MYO1F: variants seen among roughly 807,000 people sequenced by gnomAD.
MYO1F encodes the protein unconventional myosin-If.
Under a neutral mutation model 146.6 loss-of-function variants are expected in MYO1F, and 60 were observed. That is an observed-to-expected ratio of 0.41 (90% CI 0.33 to 0.51). MYO1F has a LOEUF of 0.51. Ranked by LOEUF, MYO1F falls within the 20% of genes least tolerant of loss-of-function variation. The pLI is 0.25. For synonymous variants in MYO1F, 602 were observed against 602.1 expected (o/e 1.00, Z 0.00); for missense variants, 1,274 against 1,534.3 (o/e 0.83, Z 2.83).
chr19:8,573,682 T>C (rs2042151640), intron 1 of MYO1F, among the ~76,000 whole-genome samples: 1 of 152,010 alleles, frequency 6.6e-6, no homozygotes, highest in Non-Finnish European at 1.5e-5. Context: ...AAACCCCGTC[T>C]CCACTAAAAG....
chr19:8,533,879 T>C (rs562276039), intron 19 of MYO1F, among the ~76,000 whole-genome samples: 15 of 152,236 alleles, frequency 9.9e-5, no homozygotes, highest in African/African-American at 2.2e-4. Flanking sequence ...GCCCAAACCA[T>C]GTTCATAAGA....
chr19:8,526,642 C>G, intron 23 of MYO1F, 41 bp from the exon 24 acceptor site: 1 of 1,563,462 alleles, frequency 6.4e-7, no homozygotes, highest in Non-Finnish European at 8.7e-7. Flanking sequence ...TGGCTGAGGT[C>G]CCCCGCCCCA....
At chr19:8,575,509 C>T (rs542991850) in intron 1 of MYO1F, among the ~76,000 whole-genome samples, 186 of 152,000 alleles carry the variant, frequency 1.2e-3, no homozygotes, top group African/African-American at 4.1e-3. Flanking sequence ...GCTTGCTTGC[C>T]TGCCACTCAT....
chr19:8,525,603 A>G (rs768519468), intron 24 of MYO1F, 41 bp from the exon 25 acceptor site: 1 of 1,545,000 alleles, frequency 6.5e-7, no homozygotes, highest in Non-Finnish European at 8.9e-7. Flanking sequence ...CAGACAGACC[A>G]CGCTCTTTGC....
intron 1 of MYO1F, among the ~76,000 whole-genome samples, chr19:8,573,124 C>T (rs751936125): frequency 4.7e-4 from 72 of 152,008 alleles, no homozygotes; most frequent in Non-Finnish European, 8.2e-4. Context: ...CTTGCTAACA[C>T]GGTGAAACCC....
At chr19:8,541,621 G>A in intron 15 of MYO1F, 1 of 438,512 alleles carries the variant, frequency 2.3e-6, no homozygotes, top group Non-Finnish European at 4.3e-6. Flanking sequence ...TAGAGACAAG[G>A]TTTTGCCATG....
intron 1 of MYO1F, among the ~76,000 whole-genome samples, chr19:8,559,215 A>C (rs1174629522): frequency 2.0e-5 from 3 of 150,976 alleles, no homozygotes; most frequent in African/African-American, 7.3e-5. Flanking sequence ...TGTGTTTGCC[A>C]GTGGATTCCA....
At chr19:8,569,390 T>A (rs1278034973) in intron 1 of MYO1F, among the ~76,000 whole-genome samples, 6 of 151,438 alleles carry the variant, frequency 4.0e-5, no homozygotes, top group Non-Finnish European at 1.5e-5. Context: ...TTCAGAGAGG[T>A]CTCTCTACCC....
At chr19:8,540,233 G>C in intron 15 of MYO1F, 1 of 510,832 alleles carries the variant, frequency 2.0e-6, no homozygotes, top group Non-Finnish European at 3.5e-6. Context: ...AGGTTGGGGC[G>C]CATTGGTGCG....
chr19:8,536,621 C>T (rs768607061), intron 17 of MYO1F, 24 bp from the exon 18 acceptor site: 21 of 1,551,874 alleles, frequency 1.4e-5, no homozygotes, highest in Middle Eastern at 3.5e-4. Context: ...TAGGCTGAGT[C>T]CCCTCGGGGT....
chr19:8,576,923 A>C, intron 1 of MYO1F: 1 of 351,592 alleles, frequency 2.8e-6, no homozygotes, highest in Non-Finnish European at 5.3e-6. Flanking sequence ...AGAGAGGGGA[A>C]GTGACTAGCC....
In MYO1F at chr19:8,548,377, C is replaced by A. The variant is rs887941352; in HGVS notation, c.1102-60G>T. The A allele has an allele frequency of 1.5e-4, 236 of 1,526,956 alleles. 1 individual carries two copies. The highest frequency in any genetic ancestry group is 2.1e-4 in the Non-Finnish European group (230 of 1,103,702). The allele number at this position is 1,526,956 out of a possible 1,614,324, so 94.6% of individuals were successfully genotyped here. A position where few individuals can be genotyped will look rare whatever the true frequency, so the allele number is the denominator to read the frequency against. ...ATCGGTCAGATCTGAAGCCCCTGCC[C>A]ACCACTCCTTAGACACACGCCTAGC... On this transcript the variant is annotated intron_variant, in intron 10 of 27. Coordinates refer to ENST00000644032, the MANE Select transcript of MYO1F (RefSeq NM_012335.4).
chr19:8,535,903 G>A (rs553462024), intron 19 of MYO1F, among the ~76,000 whole-genome samples: 2 of 151,846 alleles, frequency 1.3e-5, no homozygotes, highest in East Asian at 3.9e-4. Context: ...GGATGGTCTC[G>A]ATCTCCTGGC....
At chr19:8,524,790 G>T (rs979780508) in intron 25 of MYO1F, among the ~76,000 whole-genome samples, 1 of 152,108 alleles carries the variant, frequency 6.6e-6, no homozygotes, top group South Asian at 2.1e-4. Context: ...CTGTGGGTAC[G>T]TCTTGGTGGA....
intron 13 of MYO1F, among the ~76,000 whole-genome samples, chr19:8,545,097 A>AT (rs1265451195): frequency 3.4e-5 from 5 of 147,024 alleles, no homozygotes; most frequent in African/African-American, 7.6e-5. Context: ...CTTAAATTTA[A>AT]TTTTTTTTGA....
chr19:8,530,238 C>T lies in MYO1F; in HGVS notation c.2286G>A (p.Val762=), dbSNP rs547509044. The T allele has an allele frequency of 7.4e-6, 12 of 1,613,968 alleles. No individual in the cohort carries two copies. Among genetic ancestry groups the T allele is most frequent in the Middle Eastern group, 1.6e-4 (1 of 6,084 alleles). ...ACTTGGTGACCGAATCGGCGAAGTCCACCCGCTCCCTCTTGCCCAGGAACT... is the reference window on the plus strand; with the variant it reads ...ACTTGGTGACCGAATCGGCGAAGTCTACCCGCTCCCTCTTGCCCAGGAACT... ...LRQFLGKRER[V]DFADSVTKYD... The change falls in exon 21 of 28, where the codon GTG becomes GTA. Residue 762 remains valine, a synonymous_variant. Coordinates refer to ENST00000644032, the MANE Select transcript of MYO1F (RefSeq NM_012335.4). The surrounding 1 kb of genome is among the most constrained non-coding windows in gnomAD (Gnocchi z 5.8).
rs1972101601 is a variant in MYO1F at position 8,522,501 on chromosome 19, C to T, written c.3096G>A (p.Val1032=). The change falls in exon 27 of 28, where the codon GTG becomes GTA. Residue 1032 remains valine, a synonymous_variant. Transcript: ENST00000644032. ...RSVGQRPVPG[V]GRPKPQPRTH... ...TCCGAGGCTGGGGCTTGGGTCGGCCCACACCAGGCACTGGCCGTTGCCCCA... is the reference window on the plus strand; with the variant it reads ...TCCGAGGCTGGGGCTTGGGTCGGCCTACACCAGGCACTGGCCGTTGCCCCA... 2 of 1,613,638 alleles carry T rather than the reference C, an allele frequency of 1.2e-6. No homozygotes were observed.
chr19:8,572,370 C>T (rs1431145815), intron 1 of MYO1F, among the ~76,000 whole-genome samples: 1 of 151,968 alleles, frequency 6.6e-6, no homozygotes, highest in East Asian at 1.9e-4. Context: ...CGGGTTCAAG[C>T]GATTCTGCTG....
intron 19 of MYO1F, among the ~76,000 whole-genome samples, chr19:8,532,948 AC>A (rs1445942760): frequency 7.8e-5 from 11 of 140,986 alleles, no homozygotes; most frequent in African/African-American, 2.2e-4. Context: ...ACACACACAC[AC>A]AATTGGGCTT....
Sources: allele counts gnomAD v4.1 joint callset (sites outside exome capture counted in the v4.1 genomes callset), GRCh38; gene constraint gnomAD v4.1.1; non-coding constraint Gnocchi (gnomAD v3.1); transcripts MANE v1.5; gene names NCBI Gene and HGNC (gene_info 2026-07-23, HGNC 2026-07-21).